Variants in MYO16 observed in about 807,000 individuals in gnomAD.
MYO16 encodes the protein myosin XVI, also known as unconventional myosin-XVI.
A neutral mutation model predicts 205.3 loss-of-function variants in MYO16; 94 were observed. The observed-to-expected ratio is 0.46, with a 90% CI of 0.39 to 0.54. MYO16 has a LOEUF of 0.54. Among genes scored for constraint, MYO16 ranks in the 20% least tolerant of loss-of-function variants. MYO16 has a pLI of 0.00. For missense variants in MYO16, 2,315 were observed against 2,387.5 expected (o/e 0.97, Z 0.63); for synonymous variants, 988 against 954.0 (o/e 1.04, Z -0.66).
intron 22 of MYO16, among the ~76,000 whole-genome samples, chr13:109,013,673 T>A (rs887491930): frequency 6.6e-6 from 1 of 152,208 alleles, no homozygotes; most frequent in Admixed American, 6.5e-5. Context: ...TGGTGTGAGA[T>A]GGTATCTCAT....
chr13:108,925,456 T>C (rs533661811), intron 16 of MYO16, among the ~76,000 whole-genome samples: 23 of 152,304 alleles, frequency 1.5e-4, no homozygotes, highest in African/African-American at 5.3e-4. Flanking sequence ...TAAGTAAGTA[T>C]AATATGATTT....
At chr13:108,838,356 T>TA (rs774284290) in intron 9 of MYO16, among the ~76,000 whole-genome samples, 71 of 151,538 alleles carry the variant, frequency 4.7e-4, no homozygotes, top group Admixed American at 9.9e-4. Context: ...ACTCAAATTA[T>TA]AAAAAAAATA....
intron 32 of MYO16, 91 bp from the exon 33 acceptor site, chr13:109,164,810 T>C (rs2274644): frequency 0.47 from 288,192 of 606,944 alleles, 74,062 homozygotes; most frequent in Non-Finnish European, 0.55. Flanking sequence ...AATGTTTGAT[T>C]TGATGTTTTA....
At chr13:108,631,654 G>A (rs1006150049) in intron 1 of MYO16, among the ~76,000 whole-genome samples, 1 of 152,196 alleles carries the variant, frequency 6.6e-6, no homozygotes, top group Non-Finnish European at 1.5e-5. Flanking sequence ...ATTATGAAAT[G>A]CTAACTTTAC....
At chr13:108,885,174 C>T (rs762609593) in intron 13 of MYO16, among the ~76,000 whole-genome samples, 1 of 152,200 alleles carries the variant, frequency 6.6e-6, no homozygotes, top group Non-Finnish European at 1.5e-5. Flanking sequence ...GGCTGGAGTG[C>T]AATGGCACAA....
intron 28 of MYO16, among the ~76,000 whole-genome samples, chr13:109,110,605 T>C (rs1889256476): frequency 1.3e-5 from 2 of 152,338 alleles, no homozygotes; most frequent in Non-Finnish European, 1.5e-5. Flanking sequence ...ACATGTATTT[T>C]CATATAAATG....
intron 27 of MYO16, among the ~76,000 whole-genome samples, chr13:109,058,315 A>C (rs1185793886): frequency 6.6e-6 from 1 of 152,100 alleles, no homozygotes; most frequent in African/African-American, 2.4e-5. Context: ...CCCCAGGTTC[A>C]CTCAATCAAA....
At chr13:109,164,880 G>T in intron 32 of MYO16, 21 bp from the exon 33 acceptor site, 1 of 1,479,690 alleles carries the variant, frequency 6.8e-7, no homozygotes, top group South Asian at 1.3e-5. Flanking sequence ...AAATAATTAT[G>T]TTTTCTAAAA....
At chr13:108,673,449 A>C (rs368751454) in intron 2 of MYO16, among the ~76,000 whole-genome samples, 9 of 151,620 alleles carry the variant, frequency 5.9e-5, no homozygotes, top group Admixed American at 3.3e-4. Flanking sequence ...CAGTCCAGTC[A>C]CACAAAGAAC....
At chr13:108,771,546 A>G (rs1885964305) in intron 4 of MYO16, among the ~76,000 whole-genome samples, 1 of 152,096 alleles carries the variant, frequency 6.6e-6, no homozygotes, top group Non-Finnish European at 1.5e-5. Flanking sequence ...TTGGTGGTGC[A>G]TAGTCTATGG....
chr13:108,769,923 G>A (rs910230543), intron 4 of MYO16, among the ~76,000 whole-genome samples: 4 of 152,106 alleles, frequency 2.6e-5, no homozygotes, highest in Admixed American at 6.6e-5. Context: ...TGATGGAAAC[G>A]CTTTAAATGT....
chr13:108,896,692 C>T (rs1430874750), intron 14 of MYO16, among the ~76,000 whole-genome samples: 4 of 151,982 alleles, frequency 2.6e-5, no homozygotes, highest in Non-Finnish European at 4.4e-5. Flanking sequence ...AGCAGCCGCG[C>T]GTGGTGGCTC....
At chr13:108,861,544 G>A (rs1313886150) in intron 11 of MYO16, among the ~76,000 whole-genome samples, 1 of 152,102 alleles carries the variant, frequency 6.6e-6, no homozygotes, top group Non-Finnish European at 1.5e-5. Flanking sequence ...GGAGTGGAAT[G>A]CCAGCATCAT....
At chr13:108,642,039 C>A (rs1880526680) in intron 1 of MYO16, among the ~76,000 whole-genome samples, 1 of 152,138 alleles carries the variant, frequency 6.6e-6, no homozygotes, top group Admixed American at 6.5e-5. Context: ...TTTATCATCA[C>A]TTAACTCTTC....
chr13:108,551,308 A>G, the MYO16 span, among the ~76,000 whole-genome samples: 6 of 152,126 alleles, frequency 3.9e-5, no homozygotes, highest in Non-Finnish European at 7.3e-5. Context: ...CTCCTCCTGT[A>G]GCTTGCTCCC....
chr13:109,030,753 C>A (rs927952612), intron 23 of MYO16, among the ~76,000 whole-genome samples: 4 of 152,072 alleles, frequency 2.6e-5, no homozygotes, highest in Non-Finnish European at 5.9e-5. Context: ...ATCTTAAATT[C>A]AACAGAAGCA....
chr13:108,762,239 G>C (rs1885633310), intron 4 of MYO16, among the ~76,000 whole-genome samples: 1 of 151,958 alleles, frequency 6.6e-6, no homozygotes. Context: ...TTATCCAGTA[G>C]TCCAGGGGTG....
intron 6 of MYO16, among the ~76,000 whole-genome samples, chr13:108,801,229 T>C (rs1886960413): frequency 6.6e-6 from 1 of 152,218 alleles, no homozygotes; most frequent in Admixed American, 6.5e-5. Context: ...CCTATGTATA[T>C]GAAATGAGGA....
At chr13:108,776,113 A>G (rs1014197977) in intron 4 of MYO16, among the ~76,000 whole-genome samples, 2 of 152,220 alleles carry the variant, frequency 1.3e-5, no homozygotes, top group African/African-American at 4.8e-5. Flanking sequence ...TCCCCTTTGT[A>G]TCAAGGTGTT....
Sources: gnomAD v4.1 joint callset for allele counts (sites outside exome capture counted in the v4.1 genomes callset) on GRCh38, gnomAD v4.1.1 for gene constraint, MANE v1.5 for transcripts, NCBI Gene and HGNC (gene_info 2026-07-23, HGNC 2026-07-21) for gene names.